IMMT: variants seen among roughly 807,000 people sequenced by gnomAD.
The protein encoded by IMMT is MICOS complex subunit MIC60.
In IMMT, 40 loss-of-function variants were observed where a neutral mutation model predicts 92.7. That is an observed-to-expected ratio of 0.43 (90% CI 0.34 to 0.56). The LOEUF is 0.56. Ranked by LOEUF, IMMT falls within the 20% of genes least tolerant of loss-of-function variation. The pLI is 0.03. For synonymous variants in IMMT, 322 were observed against 336.1 expected (o/e 0.96, Z 0.46); for missense variants, 831 against 912.1 (o/e 0.91, Z 1.14).
At chr2:86,170,003 C>T (rs566807478) in intron 6 of IMMT, among the ~76,000 whole-genome samples, 37 of 152,226 alleles carry the variant, frequency 2.4e-4, no homozygotes, top group Non-Finnish European at 4.9e-4. Flanking sequence ...GATAAAAGCA[C>T]TACTAGAGAG....
intron 10 of IMMT, among the ~76,000 whole-genome samples, chr2:86,156,114 T>C (rs1675837261): frequency 6.6e-6 from 1 of 152,084 alleles, no homozygotes; most frequent in Non-Finnish European, 1.5e-5. Flanking sequence ...GTCCGGACAG[T>C]TCTCTGCTGT....
In IMMT at chr2:86,144,507, G is replaced by A; in HGVS notation, c.2038C>T (p.Leu680Phe). Residue 680 changes from leucine (L) to phenylalanine (F), a missense_variant, in exon 15 of 15, where the codon CTC becomes TTC. Leu to Phe is a conservative substitution (Grantham distance 22). Coordinates refer to ENST00000410111, the MANE Select transcript of IMMT (RefSeq NM_006839.3). ...PPQQLKPPPELCPEDINTFKL... is the reference protein window; with the variant it reads ...PPQQLKPPPEFCPEDINTFKL... ...AATGTGTTTATATCCTCAGGGCAGA[G>A]CTCTGGGGGCGGCTTCAGTTGCTGA... is the stretch of plus-strand genomic sequence containing the variant. 1 of 1,614,032 alleles carries A rather than the reference G, an allele frequency of 6.2e-7. No homozygotes were observed. The highest frequency in any genetic ancestry group is 1.1e-5 in the South Asian group (1 of 91,086).
At chr2:86,185,622 TGATAA>T (rs1188166866) in intron 1 of IMMT, among the ~76,000 whole-genome samples, 11 of 152,154 alleles carry the variant, frequency 7.2e-5, no homozygotes, top group Admixed American at 5.2e-4. Context: ...GGGCTTATCT[TGATAA>T]GATGTGTATC....
chr2:86,157,711 G>A (rs913639961), intron 10 of IMMT, among the ~76,000 whole-genome samples: 2 of 150,586 alleles, frequency 1.3e-5, no homozygotes, highest in East Asian at 2.0e-4. Flanking sequence ...TTGCTTGAAC[G>A]TGGGAGGCGG....
At chr2:86,163,127 G>A (rs1194396606) in intron 7 of IMMT, among the ~76,000 whole-genome samples, 1 of 151,962 alleles carries the variant, frequency 6.6e-6, no homozygotes, top group Non-Finnish European at 1.5e-5. Flanking sequence ...TTTGAGACCA[G>A]CCTGAACAAC....
intron 2 of IMMT, among the ~76,000 whole-genome samples, chr2:86,180,907 A>T (rs997866463): frequency 1.3e-5 from 2 of 152,068 alleles, no homozygotes; most frequent in African/African-American, 4.8e-5. Flanking sequence ...AAAAAAAAAT[A>T]GATAATAAAA....
chr2:86,172,762 A>C (rs1677183189), intron 4 of IMMT, among the ~76,000 whole-genome samples: 1 of 152,138 alleles, frequency 6.6e-6, no homozygotes, highest in South Asian at 2.1e-4. Context: ...GTTTGAATAT[A>C]TCAAGCCTCT....
intron 12 of IMMT, among the ~76,000 whole-genome samples, chr2:86,150,920 ATTTTT>A (rs35901635): frequency 6.9e-6 from 1 of 145,554 alleles, no homozygotes; most frequent in Non-Finnish European, 1.5e-5. Flanking sequence ...GACTGTCAGT[ATTTTT>A]TTTTTTTTTT....
intron 7 of IMMT, among the ~76,000 whole-genome samples, chr2:86,164,688 T>TAAAA (rs1676542395): frequency 2.6e-5 from 1 of 37,806 alleles, no homozygotes; most frequent in African/African-American, 8.7e-5. Flanking sequence ...AGACTCTGTC[T>TAAAA]CAAAAAAAAA....
rs1305314783 is a variant in IMMT, at chr2:86,159,582, C to T, written c.986G>A (p.Gly329Asp). ...ATCAACTATCATGTTGTGAAGTTTA[C>T]CCTCTGCAGCAGTTATATGAGGCTT... is the stretch of plus-strand genomic sequence containing the variant. ...GAKPHITAAE[G>D]KLHNMIVDLD... Residue 329 changes from glycine (G) to aspartate (D), a missense_variant, in exon 9 of 15, where the codon GGT becomes GAT. Gly to Asp is a moderately conservative substitution (Grantham distance 94, BLOSUM62 -1). Coordinates refer to ENST00000410111, the MANE Select transcript of IMMT (RefSeq NM_006839.3). The T allele has an allele frequency of 2.1e-5, 33 of 1,608,710 alleles. No homozygotes were observed. Among genetic ancestry groups the T allele is most frequent in the Non-Finnish European group, 2.7e-5 (32 of 1,177,262 alleles).
At chr2:86,172,159 G>T (rs1336059583) in intron 4 of IMMT, among the ~76,000 whole-genome samples, 1 of 151,660 alleles carries the variant, frequency 6.6e-6, no homozygotes, top group Non-Finnish European at 1.5e-5. Flanking sequence ...TGTAGAGACA[G>T]GGTCTCCCCT....
intron 10 of IMMT, among the ~76,000 whole-genome samples, chr2:86,155,861 A>C (rs374750295): frequency 6.6e-6 from 1 of 152,248 alleles, no homozygotes; most frequent in Non-Finnish European, 1.5e-5. Flanking sequence ...CTAGAAATAC[A>C]TAAGAAATCA....
At chr2:86,151,655 A>G (rs552302652) in intron 11 of IMMT, 135 bp from the exon 12 acceptor site, 752 of 682,484 alleles carry the variant, frequency 1.1e-3, no homozygotes, top group Non-Finnish European at 1.6e-3. Flanking sequence ...AAAGAGATTT[A>G]GATTCCCCAG....
At chr2:86,163,433 T>G (rs1485369685) in intron 7 of IMMT, among the ~76,000 whole-genome samples, 2 of 152,218 alleles carry the variant, frequency 1.3e-5, no homozygotes, top group African/African-American at 4.8e-5. Flanking sequence ...AGTACTATAA[T>G]GTGATCTGAA....
chr2:86,169,225 T>G (rs1676926232), intron 6 of IMMT, among the ~76,000 whole-genome samples: 1 of 152,056 alleles, frequency 6.6e-6, no homozygotes. Context: ...ATAACTTAAT[T>G]TCAAGGTGCC....
chr2:86,180,404 T>C (rs1195980421), intron 2 of IMMT, among the ~76,000 whole-genome samples: 1 of 151,802 alleles, frequency 6.6e-6, no homozygotes, highest in Non-Finnish European at 1.5e-5. Flanking sequence ...TAGCTGGGAT[T>C]ACAGGCATGC....
chr2:86,158,468 G>A, intron 10 of IMMT, 124 bp downstream of exon 10: 1 of 712,418 alleles, frequency 1.4e-6, no homozygotes, highest in Non-Finnish European at 2.3e-6. Flanking sequence ...ATAAAACGCT[G>A]TAACAAAAAG....
chr2:86,149,557 T>C (rs1354240150), intron 12 of IMMT, among the ~76,000 whole-genome samples: 2 of 152,196 alleles, frequency 1.3e-5, no homozygotes, highest in Admixed American at 6.5e-5. Context: ...GGCTCACACC[T>C]GTAATCCCAG....
At chr2:86,176,508 T>C (rs900375940) in intron 3 of IMMT, among the ~76,000 whole-genome samples, 2 of 152,102 alleles carry the variant, frequency 1.3e-5, no homozygotes, top group African/African-American at 2.4e-5. Context: ...GGGGTACGGA[T>C]AGTGGTAATG....
Sources: allele counts gnomAD v4.1 joint callset (sites outside exome capture counted in the v4.1 genomes callset), GRCh38; gene constraint gnomAD v4.1.1; transcripts MANE v1.5; gene names NCBI Gene and HGNC (gene_info 2026-07-23, HGNC 2026-07-21).